Variants in AUTS2 observed in about 807,000 individuals in gnomAD.
The protein encoded by AUTS2 is autism susceptibility gene 2 protein.
In AUTS2, 17 loss-of-function variants were observed where a neutral mutation model predicts 112.4. The ratio of observed to expected loss-of-function variants is 0.15; its 90% CI spans 0.10 to 0.23. The LOEUF is 0.23. AUTS2 is among the 10% of genes least tolerant of loss of function. The probability of loss-of-function intolerance (pLI) is 1.00; values close to 1 mark genes in which losing one functional copy is unlikely to be tolerated. For synonymous variants in AUTS2, 751 were observed against 702.7 expected, an observed-to-expected ratio of 1.07 and a Z score of -1.09; for missense variants, 1,510 against 1,701.6, an observed-to-expected ratio of 0.89 and a Z score of 1.98.
chr7:70,367,435 A>G (rs1668395243), intron 4 of AUTS2, among the ~76,000 whole-genome samples: 1 of 151,972 alleles, frequency 6.6e-6, no homozygotes, highest in South Asian at 2.1e-4. Context: ...GGGCGCTTGT[A>G]GTCCCAACTA....
chr7:70,454,007 C>A (rs1796633143), intron 5 of AUTS2, among the ~76,000 whole-genome samples: 1 of 152,124 alleles, frequency 6.6e-6, no homozygotes, highest in African/African-American at 2.4e-5. Flanking sequence ...AAAGATCTGG[C>A]AAAGAGGGGC....
chr7:70,684,015 A>G (rs1808334572), intron 5 of AUTS2, among the ~76,000 whole-genome samples: 1 of 152,218 alleles, frequency 6.6e-6, no homozygotes, highest in African/African-American at 2.4e-5. Flanking sequence ...CTCCTCAGCT[A>G]CTACCCCAGC....
chr7:70,168,104 C>T (rs1659964852), intron 4 of AUTS2, among the ~76,000 whole-genome samples: 1 of 152,188 alleles, frequency 6.6e-6, no homozygotes, highest in Admixed American at 6.5e-5. Context: ...ACACTTGAAG[C>T]TTTCTGATAC....
chr7:69,683,799 C>T (rs557323198), intron 1 of AUTS2, among the ~76,000 whole-genome samples: 30 of 151,888 alleles, frequency 2.0e-4, no homozygotes, highest in African/African-American at 7.2e-4. Flanking sequence ...TAATCCCAGC[C>T]ACTTGGGAGG....
intron 5 of AUTS2, among the ~76,000 whole-genome samples, chr7:70,470,892 G>A (rs57344337): frequency 2.7e-3 from 412 of 152,238 alleles, no homozygotes; most frequent in African/African-American, 9.7e-3. Flanking sequence ...GATCTGACCC[G>A]CGGCAGTGTG....
chr7:69,834,038 C>G (rs1213341965), intron 1 of AUTS2, among the ~76,000 whole-genome samples: 1 of 152,094 alleles, frequency 6.6e-6, no homozygotes, highest in African/African-American at 2.4e-5. Context: ...TGAACCACTG[C>G]GATAGGCCTT....
rs111750964 is a variant in AUTS2, at chr7:70,135,308, G to A, written c.660+737G>A. 1.6e-3 allele frequency among the ~76,000 whole-genome samples: 242 copies of A among 152,232 alleles called. 6 individuals carry two copies. The highest frequency in any genetic ancestry group is 5.5e-3 in the African/African-American group (228 of 41,562). Reference sequence around the variant, plus strand: ...CTTTTCAAGATACAAATGAAAAAGAGTGACAAATAAGCATTATTTGTACAA... The same window carrying A: ...CTTTTCAAGATACAAATGAAAAAGAATGACAAATAAGCATTATTTGTACAA... On this transcript the variant is annotated intron_variant, in intron 4 of 18. Transcript: ENST00000342771.
chr7:69,671,484 C>G (rs111244141), intron 1 of AUTS2, among the ~76,000 whole-genome samples: 81,510 of 137,290 alleles, frequency 0.59, 24,023 homozygotes, highest in East Asian at 0.67. Context: ...GCTGCTGCTG[C>G]TGGTGTGTGT....
intron 2 of AUTS2, among the ~76,000 whole-genome samples, chr7:69,972,100 G>T (rs1797874227): frequency 1.3e-5 from 2 of 152,178 alleles, no homozygotes; most frequent in Admixed American, 1.3e-4. Context: ...ATGCAATGAT[G>T]TTGGTGGTGT....
chr7:70,126,476 T>A (rs1223859751), intron 3 of AUTS2, among the ~76,000 whole-genome samples: 1 of 152,134 alleles, frequency 6.6e-6, no homozygotes, highest in African/African-American at 2.4e-5. Context: ...CCATGTTGCC[T>A]GGGGGGAATA....
chr7:70,489,950 C>G (rs531557058), intron 5 of AUTS2, among the ~76,000 whole-genome samples: 1 of 152,154 alleles, frequency 6.6e-6, no homozygotes, highest in South Asian at 2.1e-4. Context: ...AGATTAGATA[C>G]TATTTTAAAC....
chr7:69,672,135 C>T (rs1156809121), intron 1 of AUTS2, among the ~76,000 whole-genome samples: 1 of 152,032 alleles, frequency 6.6e-6, no homozygotes, highest in Non-Finnish European at 1.5e-5. Context: ...TCTCAGCTCA[C>T]TGCAACCTCC....
chr7:69,658,143 G>A (rs952719128), intron 1 of AUTS2, among the ~76,000 whole-genome samples: 6 of 152,192 alleles, frequency 3.9e-5, no homozygotes, highest in South Asian at 2.1e-4. Context: ...ATTCATTTAC[G>A]TTATTGCCTT....
chr7:70,095,685 C>T (rs1043053679), intron 2 of AUTS2, among the ~76,000 whole-genome samples: 2 of 152,148 alleles, frequency 1.3e-5, no homozygotes, highest in Admixed American at 6.5e-5. Flanking sequence ...TACAGTTATA[C>T]ACTTAAAATT....
intron 2 of AUTS2, among the ~76,000 whole-genome samples, chr7:70,099,396 T>C (rs1562691831): frequency 6.6e-6 from 1 of 152,214 alleles, no homozygotes; most frequent in East Asian, 1.9e-4. Context: ...AACTTAGGGC[T>C]GTTCTCTACG....
intron 1 of AUTS2, among the ~76,000 whole-genome samples, chr7:69,687,374 G>A (rs1017616226): frequency 5.3e-5 from 8 of 152,186 alleles, no homozygotes; most frequent in African/African-American, 1.9e-4. Flanking sequence ...GTAAGTGCAA[G>A]GTAGGCACTT....
intron 4 of AUTS2, among the ~76,000 whole-genome samples, chr7:70,161,749 T>A (rs1808086006): frequency 6.6e-6 from 1 of 151,956 alleles, no homozygotes; most frequent in South Asian, 2.1e-4. Context: ...TGGAGTACTT[T>A]AAGAATCCCT....
chr7:70,757,616 T>G (rs1314337550), intron 6 of AUTS2, among the ~76,000 whole-genome samples: 1 of 152,018 alleles, frequency 6.6e-6, no homozygotes, highest in African/African-American at 2.4e-5. Context: ...TTTAGCAATT[T>G]ATATTTTTTC....
intron 1 of AUTS2, among the ~76,000 whole-genome samples, chr7:69,830,580 G>A (rs922910216): frequency 1.3e-5 from 2 of 152,136 alleles, no homozygotes; most frequent in South Asian, 2.1e-4. Flanking sequence ...ACAACAGTGA[G>A]TGATCTGTAT....
Sources: allele counts gnomAD v4.1 joint callset (sites outside exome capture counted in the v4.1 genomes callset), GRCh38; gene constraint gnomAD v4.1.1; transcripts MANE v1.5; gene names NCBI Gene and HGNC (gene_info 2026-07-23, HGNC 2026-07-21).